Variants in UVRAG observed in about 807,000 individuals in gnomAD.
The protein encoded by UVRAG is UV radiation resistance-associated gene protein.
A neutral mutation model predicts 78.0 loss-of-function variants in UVRAG; 19 were observed. The observed-to-expected ratio is 0.24, with a 90% CI of 0.17 to 0.36. The LOEUF (loss-of-function observed/expected upper bound fraction) is 0.36, where lower values mean the gene tolerates loss of function less well. Ranked by LOEUF, UVRAG falls within the 10% of genes least tolerant of loss-of-function variation. UVRAG has a pLI of 1.00. For missense variants in UVRAG, 740 were observed against 853.8 expected (o/e 0.87, Z 1.66); for synonymous variants, 323 against 324.6 (o/e 1.00, Z 0.05).
chr11:75,893,670 CAAAAAAAAAAAA>C (rs1048785134), intron 5 of UVRAG, among the ~76,000 whole-genome samples: 2 of 60,394 alleles, frequency 3.3e-5, no homozygotes, highest in East Asian at 5.5e-4. Context: ...CTATCTCTAC[CAAAAAAAAAAAA>C]AAAAAAAAAA....
chr11:76,087,179 C>G (rs1036552372), intron 13 of UVRAG, among the ~76,000 whole-genome samples: 6 of 152,134 alleles, frequency 3.9e-5, no homozygotes, highest in African/African-American at 1.4e-4. Flanking sequence ...CATACATGTG[C>G]TTGTGAATGT....
At chr11:75,957,389 T>C (rs1948820696) in intron 6 of UVRAG, among the ~76,000 whole-genome samples, 2 of 152,104 alleles carry the variant, frequency 1.3e-5, no homozygotes, top group African/African-American at 4.8e-5. Flanking sequence ...ATTATTATGA[T>C]ACACTTTCTT....
chr11:75,887,845 A>G (rs575819442), intron 4 of UVRAG, among the ~76,000 whole-genome samples: 1 of 152,226 alleles, frequency 6.6e-6, no homozygotes, highest in South Asian at 2.1e-4. Flanking sequence ...CGGCCTCCCA[A>G]AGTGCTGGGA....
At chr11:76,135,447 C>T (rs1333510869) in intron 14 of UVRAG, among the ~76,000 whole-genome samples, 2 of 152,194 alleles carry the variant, frequency 1.3e-5, no homozygotes, top group Non-Finnish European at 2.9e-5. Context: ...AAACTCCAGG[C>T]CAGTTGGCTT....
chr11:76,012,921 A>G (rs1950081271), intron 11 of UVRAG: 1 of 151,006 alleles, frequency 6.6e-6, no homozygotes, highest in African/African-American at 2.4e-5. Context: ...GTATCCCTTT[A>G]TGCAGGCATG....
At chr11:76,134,437 CTTT>C (rs1263028808) in intron 14 of UVRAG, among the ~76,000 whole-genome samples, 1 of 152,052 alleles carries the variant, frequency 6.6e-6, no homozygotes, top group African/African-American at 2.4e-5. Flanking sequence ...CACTGTACTT[CTTT>C]ATTTCCTTCT....
Position 75,911,937 on chromosome 11 carries a change from T to G in UVRAG, c.508-17T>G, listed in dbSNP as rs1435096895. On this transcript the variant is annotated splice_polypyrimidine_tract_variant and intron_variant, in intron 5 of 14. Coordinates refer to ENST00000356136, the MANE Select transcript of UVRAG (RefSeq NM_003369.4). ...TTTTGTTTGGTTTTGATTAATTTGT[T>G]GGTTAATGTCTTTCAGGGTTATTCA... 1 of 1,545,314 alleles carries G rather than the reference T, an allele frequency of 6.5e-7. No homozygotes were observed. Among genetic ancestry groups the G allele is most frequent in the Non-Finnish European group, 8.9e-7 (1 of 1,123,994 alleles).
At chr11:76,103,479 T>A (rs1349742010) in intron 13 of UVRAG, among the ~76,000 whole-genome samples, 1 of 152,130 alleles carries the variant, frequency 6.6e-6, no homozygotes, top group African/African-American at 2.4e-5. Context: ...AAACAATTAT[T>A]TACATTATTT....
At chr11:75,940,854 C>T (rs1948470009) in intron 6 of UVRAG, among the ~76,000 whole-genome samples, 1 of 152,146 alleles carries the variant, frequency 6.6e-6, no homozygotes, top group African/African-American at 2.4e-5. Flanking sequence ...GCACCACAGC[C>T]TACCTTCCTA....
chr11:76,108,970 T>G (rs59587399), intron 13 of UVRAG, among the ~76,000 whole-genome samples: 3,718 of 152,216 alleles, frequency 0.024, 150 homozygotes, highest in African/African-American at 0.083. Flanking sequence ...TCAATCAAAG[T>G]AAAGCTGAAA....
Position 76,142,968 on chromosome 11 carries a change from C to A in UVRAG, c.*1555C>A, listed in dbSNP as rs746073320. 3 of 152,248 alleles carry A rather than the reference C, an allele frequency of 2.0e-5. No individual in the cohort carries two copies. The highest frequency in any genetic ancestry group is 4.4e-5 in the Non-Finnish European group (3 of 68,044). 9.4% of individuals were successfully genotyped at this position (152,248 alleles called of 1,614,324 possible). A position where few individuals can be genotyped will look rare whatever the true frequency, so the allele number is the denominator to read the frequency against. On this transcript the variant is annotated 3_prime_UTR_variant, in exon 15 of 15. Coordinates refer to ENST00000356136, the MANE Select transcript of UVRAG (RefSeq NM_003369.4). ...ATGTAGAGAACTCACAGGATGACTA[C>A]ATCACAAATAAACCCAACTCTCAGG...
At chr11:76,114,389 G>A (rs557622332) in intron 13 of UVRAG, among the ~76,000 whole-genome samples, 5 of 152,218 alleles carry the variant, frequency 3.3e-5, no homozygotes, top group South Asian at 4.1e-4. Context: ...ACCAGTTTTC[G>A]TCTCAGACTT....
intron 14 of UVRAG, among the ~76,000 whole-genome samples, chr11:76,136,033 T>TATATAATATATATATATA (rs1952592336): frequency 6.6e-6 from 1 of 152,190 alleles, no homozygotes; most frequent in African/African-American, 2.4e-5. Context: ...ATCTATGAGT[T>TATATAATATATATATATA]TCAACCTCTT....
intron 6 of UVRAG, among the ~76,000 whole-genome samples, chr11:75,917,190 G>A (rs1591014986): frequency 6.6e-6 from 1 of 152,356 alleles, no homozygotes; most frequent in South Asian, 2.1e-4. Flanking sequence ...AAGACAGCTT[G>A]TGAGGCTAGA....
chr11:76,094,266 T>C (rs1002212323), intron 13 of UVRAG, among the ~76,000 whole-genome samples: 9 of 152,202 alleles, frequency 5.9e-5, no homozygotes, highest in Admixed American at 6.5e-5. Context: ...TTGCCAGTAT[T>C]TTATAGAGGA....
intron 3 of UVRAG, among the ~76,000 whole-genome samples, chr11:75,866,297 A>T (rs1274714522): frequency 1.3e-5 from 2 of 151,916 alleles, no homozygotes; most frequent in African/African-American, 2.4e-5. Context: ...AGGCAGGAGG[A>T]TCATGTAAGC....
intron 6 of UVRAG, among the ~76,000 whole-genome samples, chr11:75,954,716 C>T (rs1948762222): frequency 6.6e-6 from 1 of 152,188 alleles, no homozygotes; most frequent in African/African-American, 2.4e-5. Context: ...ATTTGGAATA[C>T]ACCTTAGAAG....
At chr11:75,863,666 T>G (rs1319482871) in intron 3 of UVRAG, among the ~76,000 whole-genome samples, 1 of 152,254 alleles carries the variant, frequency 6.6e-6, no homozygotes, top group Non-Finnish European at 1.5e-5. Context: ...TGGAGCTATC[T>G]GTGAGGTCAT....
chr11:75,830,100 A>G lies in UVRAG; in HGVS notation c.117+14576A>G, dbSNP rs1945620971. Among the ~76,000 whole-genome samples the G allele has an allele frequency of 2.6e-5, 4 of 152,248 alleles. No individual in the cohort carries two copies. The South Asian group carries it at 8.3e-4, about 32-fold the overall frequency. On this transcript the variant is annotated intron_variant, in intron 1 of 14. Coordinates refer to ENST00000356136, the MANE Select transcript of UVRAG (RefSeq NM_003369.4). Reference sequence around the variant, plus strand: ...AGTGATCTGCCTGCCTCGTCTTCCCAAAGTGCTGGGATTACAGATGTGAGC... The same window carrying G: ...AGTGATCTGCCTGCCTCGTCTTCCCGAAGTGCTGGGATTACAGATGTGAGC...
Sources: gnomAD v4.1 joint callset for allele counts (sites outside exome capture counted in the v4.1 genomes callset) on GRCh38, gnomAD v4.1.1 for gene constraint, MANE v1.5 for transcripts, NCBI Gene and HGNC (gene_info 2026-07-23, HGNC 2026-07-21) for gene names.